Variants in KCNIP4 observed in about 807,000 individuals in gnomAD.
KCNIP4 encodes Kv channel-interacting protein 4.
Under a neutral mutation model 34.0 loss-of-function variants are expected in KCNIP4, and 12 were observed. The observed-to-expected ratio is 0.35, with a 90% CI of 0.23 to 0.57. The LOEUF (loss-of-function observed/expected upper bound fraction) is 0.57. KCNIP4 is among the 20% of genes least tolerant of loss of function. The pLI is 0.83. For missense variants in KCNIP4, 238 were observed against 311.7 expected (o/e 0.76, Z 1.78); for synonymous variants, 124 against 102.2 (o/e 1.21, Z -1.29).
At chr4:21,705,664 T>G (rs1442147246) in intron 1 of KCNIP4, among the ~76,000 whole-genome samples, 2 of 152,002 alleles carry the variant, frequency 1.3e-5, no homozygotes, top group Non-Finnish European at 2.9e-5. Flanking sequence ...TAAAGCAAGG[T>G]GATAACAAAA....
intron 1 of KCNIP4, among the ~76,000 whole-genome samples, chr4:21,349,833 T>C (rs1192450900): frequency 6.6e-6 from 1 of 152,088 alleles, no homozygotes; most frequent in Non-Finnish European, 1.5e-5. Flanking sequence ...GGTCTTCAAG[T>C]ATGGGGTACA....
chr4:21,003,925 A>G (rs1738345105), intron 1 of KCNIP4, among the ~76,000 whole-genome samples: 5 of 152,202 alleles, frequency 3.3e-5, no homozygotes, highest in Admixed American at 2.0e-4. Flanking sequence ...GAAATTCCAT[A>G]TTACTAAAAA....
intron 4 of KCNIP4, among the ~76,000 whole-genome samples, chr4:20,755,417 AC>A (rs1754318094): frequency 6.6e-6 from 1 of 152,220 alleles, no homozygotes; most frequent in East Asian, 1.9e-4. Context: ...ATTCCACTGT[AC>A]AGTGATAGCC....
intron 1 of KCNIP4, among the ~76,000 whole-genome samples, chr4:20,956,029 C>T (rs1478093398): frequency 6.6e-6 from 1 of 152,156 alleles, no homozygotes; most frequent in African/African-American, 2.4e-5. Flanking sequence ...ACTTACTGAC[C>T]TTCTAACGCC....
intron 1 of KCNIP4, among the ~76,000 whole-genome samples, chr4:21,521,894 G>A (rs911963098): frequency 6.6e-6 from 1 of 151,660 alleles, no homozygotes; most frequent in African/African-American, 2.4e-5. Flanking sequence ...TTGTACAAAA[G>A]CATCCTCATC....
At chr4:21,078,204 A>G (rs1358956826) in intron 1 of KCNIP4, among the ~76,000 whole-genome samples, 1 of 152,112 alleles carries the variant, frequency 6.6e-6, no homozygotes, top group East Asian at 1.9e-4. Context: ...GACTGGAAAG[A>G]GTCAGGGAGT....
At chr4:20,798,766 C>T (rs1442921907) in intron 3 of KCNIP4, among the ~76,000 whole-genome samples, 1 of 152,046 alleles carries the variant, frequency 6.6e-6, no homozygotes, top group Non-Finnish European at 1.5e-5. Flanking sequence ...TAAAGACGAC[C>T]CCAGCAATTC....
At chr4:21,502,366 G>A (rs994631162) in intron 1 of KCNIP4, among the ~76,000 whole-genome samples, 5 of 151,974 alleles carry the variant, frequency 3.3e-5, no homozygotes, top group Non-Finnish European at 7.4e-5. Context: ...TAATAACCAG[G>A]CACAAGATAG....
rs546094155 is a variant in KCNIP4 at position 21,762,976 on chromosome 4, G to A, written c.61+185595C>T. ...AAGTCTCCCTCTGGGACCACTGGGT[G>A]TAAGTCTTCTTGTCAAGGACAGCAC... is the stretch of plus-strand genomic sequence containing the variant. On this transcript the variant is annotated intron_variant, in intron 1 of 8. Coordinates refer to ENST00000382152, the MANE Select transcript of KCNIP4 (RefSeq NM_025221.6). The A allele has an allele frequency of 2.1e-5, 27 of 1,288,784 alleles. No individual in the cohort carries two copies. The African/African-American group carries it at 4.1e-4, about 20-fold the overall frequency. 79.8% of individuals were successfully genotyped at this position (1,288,784 alleles called of 1,614,324 possible).
chr4:21,324,442 G>A (rs1714818142), intron 1 of KCNIP4, among the ~76,000 whole-genome samples: 1 of 151,884 alleles, frequency 6.6e-6, no homozygotes, highest in African/African-American at 2.4e-5. Context: ...TAAGATAGAG[G>A]TCTAGTTCCA....
At chr4:20,824,523 T>C (rs1490219362) in intron 3 of KCNIP4, among the ~76,000 whole-genome samples, 1 of 151,926 alleles carries the variant, frequency 6.6e-6, no homozygotes, top group East Asian at 1.9e-4. Flanking sequence ...CTACTAAAAA[T>C]ACAAAAATTA....
chr4:20,855,060 CA>C (rs1409503148), intron 2 of KCNIP4, among the ~76,000 whole-genome samples: 2 of 152,260 alleles, frequency 1.3e-5, no homozygotes, highest in East Asian at 3.9e-4. Context: ...TTGCGTAACC[CA>C]ACTGACCCCA....
intron 1 of KCNIP4, among the ~76,000 whole-genome samples, chr4:21,566,151 A>T (rs1158135637): frequency 6.6e-6 from 1 of 152,202 alleles, no homozygotes; most frequent in Non-Finnish European, 1.5e-5. Context: ...CACAATCAAG[A>T]GACAGGGCGG....
chr4:20,850,218 A>G (rs1441115252), intron 3 of KCNIP4: 1 of 179,116 alleles, frequency 5.6e-6, no homozygotes, highest in East Asian at 1.4e-4. Context: ...ACCAGCCTGT[A>G]TTTAAAAACT....
At chr4:21,377,682 A>G (rs763671356) in intron 1 of KCNIP4, among the ~76,000 whole-genome samples, 19 of 152,204 alleles carry the variant, frequency 1.2e-4, no homozygotes, top group Admixed American at 3.3e-4. Flanking sequence ...GCAATGTGTG[A>G]GAATATTATG....
chr4:20,867,105 A>G lies in KCNIP4; in HGVS notation c.163+15503T>C, dbSNP rs190324228. ...GCCCAATGCAATTTATAGATTAAATACTATTCTAGTCAAACTACTAAGAAC... is the reference window on the plus strand; with the variant it reads ...GCCCAATGCAATTTATAGATTAAATGCTATTCTAGTCAAACTACTAAGAAC... On this transcript the variant is annotated intron_variant, in intron 2 of 8. Transcript: ENST00000382152. Among the ~76,000 whole-genome samples, 1,148 of 152,206 alleles carry G rather than the reference A, an allele frequency of 7.5e-3. 12 individuals carry two copies. The highest frequency in any genetic ancestry group is 0.027 in the African/African-American group (1,104 of 41,562).
intron 1 of KCNIP4, among the ~76,000 whole-genome samples, chr4:21,237,226 G>A (rs73109478): frequency 0.028 from 4,222 of 152,202 alleles, 199 homozygotes; most frequent in African/African-American, 0.097. Context: ...GCTGGGTGAT[G>A]TGCTAAGGTG....
At chr4:21,811,875 C>T (rs1721676417) in intron 1 of KCNIP4, among the ~76,000 whole-genome samples, 1 of 152,140 alleles carries the variant, frequency 6.6e-6, no homozygotes, top group African/African-American at 2.4e-5. Flanking sequence ...GTGAGAATCC[C>T]TTGTCATGGT....
chr4:20,796,920 C>T (rs922575291), intron 3 of KCNIP4, among the ~76,000 whole-genome samples: 2 of 152,190 alleles, frequency 1.3e-5, no homozygotes, highest in Non-Finnish European at 2.9e-5. Flanking sequence ...AAATAAACAA[C>T]AGTTACTTTC....
Sources: allele counts gnomAD v4.1 joint callset (sites outside exome capture counted in the v4.1 genomes callset), GRCh38; gene constraint gnomAD v4.1.1; transcripts MANE v1.5; gene names NCBI Gene and HGNC (gene_info 2026-07-23, HGNC 2026-07-21).